Variants in FOXN2 observed in about 807,000 individuals in gnomAD.
FOXN2 encodes forkhead box N2, also known as forkhead box protein N2.
Under a neutral mutation model 41.2 loss-of-function variants are expected in FOXN2, and 19 were observed. The ratio of observed to expected loss-of-function variants is 0.46; its 90% CI spans 0.32 to 0.68. The LOEUF (loss-of-function observed/expected upper bound fraction) is 0.68. FOXN2 is among the 30% of genes least tolerant of loss of function. The pLI is 0.03. For missense variants in FOXN2, 587 were observed against 509.4 expected, an observed-to-expected ratio of 1.15 and a Z score of -1.47; for synonymous variants, 195 against 176.8, an observed-to-expected ratio of 1.10 and a Z score of -0.82.
At chr2:48,373,718 C>A (rs1424214579) in intron 6 of FOXN2, among the ~76,000 whole-genome samples, 2 of 151,964 alleles carry the variant, frequency 1.3e-5, no homozygotes, top group African/African-American at 2.4e-5. Context: ...AATGCAAAAT[C>A]CATGAAGGAA....
At chr2:48,334,927 A>G (rs945759893) in intron 2 of FOXN2, among the ~76,000 whole-genome samples, 1 of 152,230 alleles carries the variant, frequency 6.6e-6, no homozygotes, top group African/African-American at 2.4e-5. Flanking sequence ...ACCACAAACC[A>G]GCTCTCACAC....
chr2:48,346,679 C>T lies in FOXN2; in HGVS notation c.465C>T (p.Gly155=). ...CATATTTTGCTACTGCACCAACAGG[C>T]TGGAAGAATTCTGTTCGACATAATC... The part of the protein sequence containing the change: ...HFPYFATAPT[G]WKNSVRHNLS... Residue 155 remains glycine (G), a synonymous_variant, in exon 3 of 7, where the codon GGC becomes GGT. Transcript: ENST00000340553. The T allele has an allele frequency of 6.2e-7, 1 of 1,612,996 alleles. No individual in the cohort carries two copies. The highest frequency in any genetic ancestry group is 8.5e-7 in the Non-Finnish European group (1 of 1,179,678).
chr2:48,371,937 C>A (rs923032173), intron 5 of FOXN2, among the ~76,000 whole-genome samples: 1 of 152,054 alleles, frequency 6.6e-6, no homozygotes, highest in Non-Finnish European at 1.5e-5. Context: ...TTGGTAGAAT[C>A]TTTAGTTTTT....
At position 48,346,219 on chromosome 2, in the gene FOXN2, G is replaced by C; in HGVS notation, c.5G>C (p.Gly2Ala). 6.2e-7 allele frequency: 1 copy of C among 1,604,302 alleles called. No individual in the cohort carries two copies. Among genetic ancestry groups the C allele is most frequent in the Non-Finnish European group, 8.5e-7 (1 of 1,175,960 alleles). ...GTTGCAGAACTGTAAGAGTAAATGG[G>C]TCCAGTAATTGGAATGACTCCAGAT... M[G>A]PVIGMTPDKR... Residue 2 changes from glycine (G) to alanine (A), a missense_variant, in exon 3 of 7, where the codon GGT becomes GCT. Gly to Ala is a moderately conservative substitution (Grantham distance 60). Coordinates refer to ENST00000340553, the MANE Select transcript of FOXN2 (RefSeq NM_002158.4).
chr2:48,351,251 T>C (rs1287411775), intron 3 of FOXN2, among the ~76,000 whole-genome samples: 1 of 151,990 alleles, frequency 6.6e-6, no homozygotes, highest in Admixed American at 6.6e-5. Context: ...TGTGAGCCAC[T>C]GCACTCGGCC....
chr2:48,353,405 T>G (rs1671578942), intron 3 of FOXN2, among the ~76,000 whole-genome samples: 1 of 152,138 alleles, frequency 6.6e-6, no homozygotes, highest in Admixed American at 6.6e-5. Context: ...ATTTCCTGCT[T>G]TTTTGTACTC....
chr2:48,373,694 T>TA (rs1393548339), intron 6 of FOXN2, among the ~76,000 whole-genome samples: 3 of 152,172 alleles, frequency 2.0e-5, no homozygotes, highest in Admixed American at 6.5e-5. Context: ...GGAAAAGCTT[T>TA]CTTTAAGATA....
At chr2:48,367,082 A>C (rs1287945341) in intron 5 of FOXN2, among the ~76,000 whole-genome samples, 1 of 152,178 alleles carries the variant, frequency 6.6e-6, no homozygotes, top group African/African-American at 2.4e-5. Context: ...CAGGTGCAGC[A>C]GTGTGTTTGT....
chr2:48,358,999 CTGTT>C (rs1199422537), intron 3 of FOXN2, 44 bp from the exon 4 acceptor site: 2 of 1,366,404 alleles, frequency 1.5e-6, no homozygotes, highest in Admixed American at 1.8e-5. Flanking sequence ...TAGACGCTGA[CTGTT>C]TATGTATAAA....
intron 5 of FOXN2, among the ~76,000 whole-genome samples, chr2:48,370,277 G>A (rs1423834300): frequency 6.6e-6 from 1 of 152,196 alleles, no homozygotes; most frequent in Non-Finnish European, 1.5e-5. Flanking sequence ...AGACGTGTTA[G>A]AATACTGAAC....
intron 4 of FOXN2, among the ~76,000 whole-genome samples, chr2:48,361,122 G>A (rs1672148260): frequency 6.6e-6 from 1 of 151,938 alleles, no homozygotes; most frequent in South Asian, 2.1e-4. Context: ...CTATCTTTTA[G>A]CCTTAATCAT....
chr2:48,351,304 G>T (rs370087326), intron 3 of FOXN2, among the ~76,000 whole-genome samples: 25 of 152,288 alleles, frequency 1.6e-4, no homozygotes, highest in African/African-American at 6.0e-4. Flanking sequence ...GTGAGACAGA[G>T]TCTCCCTCTA....
chr2:48,341,747 G>C (rs1670787882), intron 2 of FOXN2, among the ~76,000 whole-genome samples: 1 of 152,208 alleles, frequency 6.6e-6, no homozygotes, highest in Non-Finnish European at 1.5e-5. Flanking sequence ...TCAGCAGCTT[G>C]CTGCTTTCCA....
At chr2:48,364,577 T>A (rs911667005) in intron 5 of FOXN2, among the ~76,000 whole-genome samples, 4 of 152,240 alleles carry the variant, frequency 2.6e-5, no homozygotes, top group African/African-American at 9.6e-5. Flanking sequence ...TTTATGGGTA[T>A]TTTTCATTGA....
chr2:48,373,367 A>G lies in FOXN2; in HGVS notation c.772+7A>G. 1 of 1,546,384 alleles carries G rather than the reference A, an allele frequency of 6.5e-7. No homozygotes were observed. Among genetic ancestry groups the G allele is most frequent in the Non-Finnish European group, 8.8e-7 (1 of 1,140,074 alleles). ...GAACAAGGAATTTTAGAATGTAAGT[A>G]ATCATGCCTTTTTTAAAAAAAAATT... On this transcript the variant is annotated splice_region_variant and intron_variant, in intron 6 of 6. Transcript: ENST00000340553.
intron 1 of FOXN2, among the ~76,000 whole-genome samples, chr2:48,322,306 T>G (rs1669382934): frequency 6.6e-6 from 1 of 152,168 alleles, no homozygotes; most frequent in African/African-American, 2.4e-5. Context: ...TTTTTTTTAA[T>G]TGTAAAGTGA....
rs1367529692 is a variant in FOXN2 at position 48,333,378 on chromosome 2, G to T, written c.-15+4676G>T. ...AAAATTCCTATATACATTTTATATA[G>T]ATTTAAATTTCTATATTTAAAATTC... On this transcript the variant is annotated intron_variant, in intron 2 of 6. Coordinates refer to ENST00000340553, the MANE Select transcript of FOXN2 (RefSeq NM_002158.4). 3.3e-5 allele frequency among the ~76,000 whole-genome samples: 5 copies of T among 151,580 alleles called. No homozygotes were observed. In the South Asian group the frequency reaches 6.2e-4, roughly 19 times the overall value.
intron 1 of FOXN2, among the ~76,000 whole-genome samples, chr2:48,326,941 G>T (rs1387023234): frequency 6.6e-6 from 1 of 152,136 alleles, no homozygotes; most frequent in Non-Finnish European, 1.5e-5. Flanking sequence ...TTTTGGATAA[G>T]GAGTGAGTAT....
At position 48,346,159 on chromosome 2, in the gene FOXN2, G is replaced by C. The variant is rs1671084360; in HGVS notation, c.-14-42G>C. 1.4e-5 allele frequency: 21 copies of C among 1,488,584 alleles called. No homozygotes were observed. In the South Asian group the frequency reaches 2.7e-4, roughly 19 times the overall value. 92.2% of individuals were successfully genotyped at this position (1,488,584 alleles called of 1,614,324 possible). A position where few individuals can be genotyped will look rare whatever the true frequency, so the allele number is the denominator to read the frequency against. On this transcript the variant is annotated intron_variant, in intron 2 of 6. Transcript: ENST00000340553. The stretch of plus-strand genomic sequence containing the variant: ...GTATTTTCTTTTTCCCAGAGTTTAA[G>C]AATCTAAAGTATTACATTGATAATT...
Sources: gnomAD v4.1 joint callset for allele counts (sites outside exome capture counted in the v4.1 genomes callset) on GRCh38, gnomAD v4.1.1 for gene constraint, MANE v1.5 for transcripts, NCBI Gene and HGNC (gene_info 2026-07-23, HGNC 2026-07-21) for gene names.